TXNDC16: variants seen among roughly 807,000 people sequenced by gnomAD.
TXNDC16 encodes thioredoxin domain containing 16, also known as thioredoxin domain-containing protein 16.
In TXNDC16, 74 loss-of-function variants were observed where a neutral mutation model predicts 85.6. That is an observed-to-expected ratio of 0.86 (90% CI 0.72 to 1.05). The LOEUF is 1.05. Among genes scored for constraint, TXNDC16 ranks in the 50% least tolerant of loss-of-function variants. The probability of loss-of-function intolerance (pLI) is 0.00; values close to 1 mark genes in which losing one functional copy is unlikely to be tolerated. For synonymous variants in TXNDC16, 335 were observed against 326.5 expected (o/e 1.03, Z -0.28); for missense variants, 959 against 947.0 (o/e 1.01, Z -0.17).
intron 9 of TXNDC16, among the ~76,000 whole-genome samples, chr14:52,494,083 T>A (rs1177693223): frequency 6.6e-6 from 1 of 151,960 alleles, no homozygotes; most frequent in African/African-American, 2.4e-5. Context: ...TTGGGAGCTA[T>A]CTTAGAAGTC....
chr14:52,513,993 A>C (rs2037019142), intron 8 of TXNDC16, among the ~76,000 whole-genome samples: 1 of 152,180 alleles, frequency 6.6e-6, no homozygotes, highest in South Asian at 2.1e-4. Context: ...TATTTAACTC[A>C]TTAATGACAA....
chr14:52,471,438 C>A lies in TXNDC16; in HGVS notation c.1313-758G>T, dbSNP rs1321061011. Among the ~76,000 whole-genome samples, 3 of 152,158 alleles carry A rather than the reference C, an allele frequency of 2.0e-5. No homozygotes were observed. The South Asian group carries it at 6.2e-4, about 31-fold the overall frequency. On this transcript the variant is annotated intron_variant, in intron 14 of 20. Transcript: ENST00000281741. ...AAATATTTTGGTACCAGCTTACCCC[C>A]ACCAACCTTTTGCAGAATTAAATCT... is the stretch of plus-strand genomic sequence containing the variant.
chr14:52,447,921 C>T (rs2035321800), intron 18 of TXNDC16, among the ~76,000 whole-genome samples: 1 of 151,456 alleles, frequency 6.6e-6, no homozygotes, highest in Admixed American at 6.6e-5. Flanking sequence ...ACATCAGAGT[C>T]CTTTAAGAGC....
intron 6 of TXNDC16, among the ~76,000 whole-genome samples, chr14:52,520,776 C>T (rs2037191547): frequency 6.6e-6 from 1 of 152,002 alleles, no homozygotes; most frequent in African/African-American, 2.4e-5. Context: ...TTTCATGTTG[C>T]AGGTCCACAT....
Position 52,474,137 on chromosome 14 carries a change from C to T in TXNDC16, c.1313-3457G>A, listed in dbSNP as rs551214719. On this transcript the variant is annotated intron_variant, in intron 14 of 20. Coordinates refer to ENST00000281741, the MANE Select transcript of TXNDC16 (RefSeq NM_020784.3). ...CTACAAACACATACAACTCTGAGCC[C>T]TTGCATTGAGGGGGCAGGTAGTCTC... Among the ~76,000 whole-genome samples the T allele has an allele frequency of 4.6e-5, 7 of 152,286 alleles. No individual in the cohort carries two copies. The East Asian group carries it at 1.4e-3, about 29-fold the overall frequency.
intron 16 of TXNDC16, among the ~76,000 whole-genome samples, chr14:52,458,474 T>C (rs1432760365): frequency 6.6e-6 from 1 of 152,090 alleles, no homozygotes; most frequent in East Asian, 1.9e-4. Context: ...TGAGAATCGC[T>C]TGAATTTGGG....
intron 20 of TXNDC16, 115 bp from the exon 21 acceptor site, chr14:52,432,702 G>T: frequency 1.9e-6 from 2 of 1,066,794 alleles, no homozygotes; most frequent in Non-Finnish European, 2.5e-6. Context: ...AGTTTTATTA[G>T]TTTTACTTAT....
intron 1 of TXNDC16, among the ~76,000 whole-genome samples, 173 bp downstream of exon 1, chr14:52,552,143 G>C (rs1232191775): frequency 6.6e-6 from 1 of 152,192 alleles, no homozygotes; most frequent in Non-Finnish European, 1.5e-5. Flanking sequence ...AAAAGAGAAA[G>C]CAAAATGCCC....
chr14:52,462,482 T>G (rs2035675413), intron 16 of TXNDC16, among the ~76,000 whole-genome samples: 1 of 152,196 alleles, frequency 6.6e-6, no homozygotes, highest in African/African-American at 2.4e-5. Flanking sequence ...GCCTGGCTAA[T>G]TTTTGTATTT....
At chr14:52,512,419 A>C (rs1270477886) in intron 8 of TXNDC16, among the ~76,000 whole-genome samples, 1 of 152,174 alleles carries the variant, frequency 6.6e-6, no homozygotes, top group Non-Finnish European at 1.5e-5. Context: ...TAAAAAACAA[A>C]AAGGGAGAGA....
intron 4 of TXNDC16, among the ~76,000 whole-genome samples, chr14:52,539,871 C>T (rs1456101624): frequency 1.3e-5 from 2 of 151,836 alleles, no homozygotes; most frequent in African/African-American, 4.8e-5. Context: ...TTCTGAAACC[C>T]TTATTTTGGA....
At chr14:52,545,341 C>T (rs1479949311) in intron 1 of TXNDC16, among the ~76,000 whole-genome samples, 1 of 152,090 alleles carries the variant, frequency 6.6e-6, no homozygotes, top group Non-Finnish European at 1.5e-5. Context: ...TGTGAAAGCA[C>T]TGTGCTTTTA....
intron 20 of TXNDC16, among the ~76,000 whole-genome samples, chr14:52,438,125 G>C (rs563906296): frequency 1.3e-5 from 2 of 152,332 alleles, no homozygotes; most frequent in Admixed American, 1.3e-4. Flanking sequence ...GGTTTCTTGA[G>C]TTGGAAACTA....
chr14:52,443,981 T>C (rs534766185), intron 18 of TXNDC16, among the ~76,000 whole-genome samples: 8 of 150,392 alleles, frequency 5.3e-5, no homozygotes, highest in African/African-American at 1.7e-4. Context: ...AGAAAAGACA[T>C]AGCAAAAGAA....
At position 52,482,410 on chromosome 14, in the gene TXNDC16, C is replaced by T; in HGVS notation, c.1253-121G>A. On this transcript the variant is annotated intron_variant, in intron 13 of 20. Transcript: ENST00000281741. The stretch of plus-strand genomic sequence containing the variant: ...AAAATTATTGTTAATCAGAAATATT[C>T]TACTATACATTTCTCAACATAGTCC... The T allele has an allele frequency of 3.7e-6, 3 of 821,710 alleles. No individual in the cohort carries two copies. In the South Asian group the frequency reaches 5.4e-5, roughly 15 times the overall value. 50.9% of individuals were successfully genotyped at this position (821,710 alleles called of 1,614,324 possible). A position where few individuals can be genotyped will look rare whatever the true frequency, so the allele number is the denominator to read the frequency against.
intron 6 of TXNDC16, among the ~76,000 whole-genome samples, chr14:52,536,340 T>G (rs1016194080): frequency 6.6e-6 from 1 of 152,140 alleles, no homozygotes; most frequent in Non-Finnish European, 1.5e-5. Context: ...CTGTGAAAAA[T>G]AAATTTCACA....
chr14:52,496,171 A>G (rs1220878334), intron 9 of TXNDC16, among the ~76,000 whole-genome samples: 1 of 152,058 alleles, frequency 6.6e-6, no homozygotes, highest in African/African-American at 2.4e-5. Context: ...AAAAAAAAAA[A>G]AAGAGACAGA....
Position 52,470,067 on chromosome 14 carries a change from A to G in TXNDC16, c.1588T>C (p.Leu530=), listed in dbSNP as rs2035868927. ...TTCATGGTTGGACTAAATAGTCCCAATACTGACACACTAGAATACAAGATG... is the reference window on the plus strand; with the variant it reads ...TTCATGGTTGGACTAAATAGTCCCAGTACTGACACACTAGAATACAAGATG... ...DLILYSSVSV[L]GLFSPTMKTA... is the part of the protein sequence containing the mutation. The change falls in exon 16 of 21, where the codon TTG becomes CTG. Residue 530 remains leucine (L), a synonymous_variant. Transcript: ENST00000281741. 1 of 1,611,400 alleles carries G rather than the reference A, an allele frequency of 6.2e-7. No individual in the cohort carries two copies. The highest frequency in any genetic ancestry group is 8.5e-7 in the Non-Finnish European group (1 of 1,178,776).
intron 18 of TXNDC16, among the ~76,000 whole-genome samples, chr14:52,446,896 C>A (rs150411944): frequency 6.6e-6 from 1 of 152,092 alleles, no homozygotes; most frequent in South Asian, 2.1e-4. Flanking sequence ...AAGTGAAGAG[C>A]CCTTGGGCCT....
Sources: gnomAD v4.1 joint callset for allele counts (sites outside exome capture counted in the v4.1 genomes callset) on GRCh38, gnomAD v4.1.1 for gene constraint, MANE v1.5 for transcripts, NCBI Gene and HGNC (gene_info 2026-07-23, HGNC 2026-07-21) for gene names.